The following AFF2 variants were observed in gnomAD, a reference collection of about 807,000 sequenced individuals.
AFF2 encodes the protein ALF transcription elongation factor 2.
In AFF2, 14 loss-of-function variants were observed where a neutral mutation model predicts 76.9. The observed-to-expected ratio is 0.18, with a 90% confidence interval of 0.12 to 0.28. The LOEUF is 0.28. Among genes scored for constraint, AFF2 ranks in the 10% least tolerant of loss-of-function variants. The pLI is 1.00. For synonymous variants in AFF2, 398 were observed against 366.7 expected (o/e 1.09, Z -0.98); for missense variants, 868 against 1,001.1 (o/e 0.87, Z 1.79).
intron 3 of AFF2, among the ~76,000 whole-genome samples, chrX:148,787,899 G>A (rs986911589): frequency 1.8e-5 from 2 of 112,384 alleles, no homozygotes; most frequent in Non-Finnish European, 3.8e-5. Flanking sequence ...TCTAGAGCAA[G>A]GGAGTTATAT....
rs1557288279 is a variant in AFF2, at chrX:148,962,918, T to C, written c.2894T>C (p.Phe965Ser). ...KRTEGKFCAT[F>S]KGISVNEGDT... Reference sequence around the variant, plus strand: ...ACTGAAGGCAAATTCTGTGCTACTTTCAAAGGGATATCGGTAAATGTAAGC... The same window carrying C: ...ACTGAAGGCAAATTCTGTGCTACTTCCAAAGGGATATCGGTAAATGTAAGC... Residue 965 changes from phenylalanine (F) to serine (S), a missense_variant, in exon 13 of 21, where the codon TTC becomes TCC. Transcript: ENST00000370460. 8 of 1,183,867 alleles carry C rather than the reference T, an allele frequency of 6.8e-6. 1 individual carries two copies.
chrX:148,633,943 G>T (rs1434276283), intron 1 of AFF2, among the ~76,000 whole-genome samples: 8 of 111,880 alleles, frequency 7.2e-5, no homozygotes, highest in Non-Finnish European at 1.3e-4. Context: ...TAACCCAAAG[G>T]GTGGTAGAGA....
chrX:148,862,477 A>G (rs1013807164), intron 7 of AFF2, among the ~76,000 whole-genome samples: 16 of 111,875 alleles, frequency 1.4e-4, no homozygotes, highest in African/African-American at 4.5e-4. Context: ...TACACAATCC[A>G]GAGTCTAAAG....
At chrX:148,724,625 A>G (rs188162552) in intron 3 of AFF2, among the ~76,000 whole-genome samples, 1 of 112,086 alleles carries the variant, frequency 8.9e-6, no homozygotes, top group Non-Finnish European at 1.9e-5. Flanking sequence ...AGTAACAGAG[A>G]GGTTGAATGG....
At chrX:148,800,692 G>GA (rs1426598059) in intron 3 of AFF2, among the ~76,000 whole-genome samples, 3 of 111,258 alleles carry the variant, frequency 2.7e-5, no homozygotes, top group Non-Finnish European at 3.8e-5. Context: ...GAAATTACCA[G>GA]AAAAAACTGA....
chrX:148,771,403 A>G (rs978354317), intron 3 of AFF2, among the ~76,000 whole-genome samples: 3 of 111,916 alleles, frequency 2.7e-5, no homozygotes, highest in African/African-American at 9.7e-5. Flanking sequence ...TGTGCAGCTG[A>G]TTTTTCACAA....
chrX:148,685,446 A>G (rs1233979589), intron 3 of AFF2, among the ~76,000 whole-genome samples: 1 of 112,430 alleles, frequency 8.9e-6, no homozygotes, highest in Non-Finnish European at 1.9e-5. Context: ...TAGAGCCTTT[A>G]AAGCTTGAAC....
intron 1 of AFF2, among the ~76,000 whole-genome samples, chrX:148,650,869 G>C (rs2054196471): frequency 8.9e-6 from 1 of 111,986 alleles, no homozygotes; most frequent in African/African-American, 3.2e-5. Context: ...AATTCCTTTA[G>C]CTATTATGTT....
At chrX:148,935,396 TACAC>T (rs3831670) in intron 9 of AFF2, among the ~76,000 whole-genome samples, 5,163 of 102,502 alleles carry the variant, frequency 0.05, 302 homozygotes, top group African/African-American at 0.17. Context: ...CATTTGAAAC[TACAC>T]ACACACACAC....
Position 148,501,069 on chromosome X carries a change from C to G in AFF2, c.-29C>G, listed in dbSNP as rs2052342383. ...CCGACCCGCTGCGATCAGGGACAGG[C>G]GCCCGCCCGCCGCCGCCGCCTGGCC... On this transcript the variant is annotated 5_prime_UTR_variant, in exon 1 of 21. Coordinates refer to ENST00000370460, the MANE Select transcript of AFF2 (RefSeq NM_002025.4). 8.4e-7 allele frequency: 1 copy of G among 1,196,538 alleles called. No homozygotes were observed. Among genetic ancestry groups the G allele is most frequent in the African/African-American group, 1.8e-5 (1 of 54,154 alleles).
chrX:148,759,162 T>C (rs1408834897), intron 3 of AFF2, among the ~76,000 whole-genome samples: 3 of 112,175 alleles, frequency 2.7e-5, no homozygotes, highest in African/African-American at 3.2e-5. Flanking sequence ...AGTTGGTCAT[T>C]CTATTTTGCT....
chrX:148,698,412 C>T (rs947835849), intron 3 of AFF2, among the ~76,000 whole-genome samples: 2 of 112,359 alleles, frequency 1.8e-5, no homozygotes, highest in Non-Finnish European at 3.8e-5. Flanking sequence ...TCAAGCGACG[C>T]GTGACCTGCT....
At chrX:148,581,660 A>G (rs371678946) in intron 1 of AFF2, among the ~76,000 whole-genome samples, 2 of 111,111 alleles carry the variant, frequency 1.8e-5, no homozygotes, top group Non-Finnish European at 3.8e-5. Flanking sequence ...ACATATACGT[A>G]TACGTGTACA....
intron 3 of AFF2, among the ~76,000 whole-genome samples, chrX:148,754,018 T>C (rs1227531521): frequency 9.0e-6 from 1 of 111,051 alleles, no homozygotes; most frequent in Non-Finnish European, 1.9e-5. Context: ...AGCAAGGCGG[T>C]AAGTGGGGGT....
chrX:148,924,779 A>T (rs892623288), intron 9 of AFF2, among the ~76,000 whole-genome samples: 24 of 111,788 alleles, frequency 2.1e-4, no homozygotes, highest in Non-Finnish European at 4.1e-4. Context: ...TTCCCCACAA[A>T]TCCTTCTAGT....
At chrX:148,873,894 T>A (rs2071006560) in intron 7 of AFF2, among the ~76,000 whole-genome samples, 1 of 111,896 alleles carries the variant, frequency 8.9e-6, no homozygotes, top group Non-Finnish European at 1.9e-5. Context: ...TTTGAGGGAC[T>A]ACATTTTTAT....
intron 3 of AFF2, among the ~76,000 whole-genome samples, chrX:148,708,554 A>G (rs1273482474): frequency 3.6e-5 from 4 of 112,032 alleles, no homozygotes; most frequent in African/African-American, 6.5e-5. Flanking sequence ...GGATCACTTC[A>G]GGTCAAGATT....
At chrX:148,785,432 C>T (rs1267891833) in intron 3 of AFF2, among the ~76,000 whole-genome samples, 1 of 111,350 alleles carries the variant, frequency 9.0e-6, no homozygotes, top group African/African-American at 3.3e-5. Flanking sequence ...TATACTTTAC[C>T]TATTTCCTCA....
intron 9 of AFF2, among the ~76,000 whole-genome samples, chrX:148,924,521 C>T (rs782243473): frequency 9.8e-5 from 11 of 112,221 alleles, no homozygotes; most frequent in Non-Finnish European, 1.3e-4. Flanking sequence ...ATTAGTATCT[C>T]TTCCAAGGAA....
Sources: allele counts gnomAD v4.1 joint callset (sites outside exome capture counted in the v4.1 genomes callset), GRCh38; gene constraint gnomAD v4.1.1; transcripts MANE v1.5; gene names NCBI Gene and HGNC (gene_info 2026-07-23, HGNC 2026-07-21).